The following SUCLG2 variants were observed in gnomAD, a reference collection of about 807,000 sequenced individuals.
SUCLG2 encodes succinate--CoA ligase [GDP-forming] subunit beta, mitochondrial.
Under a neutral mutation model 47.9 loss-of-function variants are expected in SUCLG2, and 42 were observed. That is an observed-to-expected ratio of 0.88 (90% CI 0.69 to 1.14). The LOEUF is 1.14. Among genes scored for constraint, SUCLG2 ranks in the 50% most tolerant of loss-of-function variants. The pLI is 0.00. For synonymous variants in SUCLG2, 195 were observed against 197.3 expected, an observed-to-expected ratio of 0.99 and a Z score of 0.10; for missense variants, 571 against 525.9, an observed-to-expected ratio of 1.09 and a Z score of -0.84.
Position 67,417,944 on chromosome 3 carries a change from T to C in SUCLG2, c.1063-17093A>G, listed in dbSNP as rs574283398. On this transcript the variant is annotated intron_variant, in intron 9 of 10. Transcript: ENST00000307227. ...TTAATCTTTATACTGGGGGACCTCATCTGACACAACAAAATACTGTTCTGG... is the reference window on the plus strand; with the variant it reads ...TTAATCTTTATACTGGGGGACCTCACCTGACACAACAAAATACTGTTCTGG... Among the ~76,000 whole-genome samples the C allele has an allele frequency of 2.0e-5, 3 of 152,268 alleles. No individual in the cohort carries two copies. In the South Asian group the frequency reaches 6.2e-4, roughly 32 times the overall value.
downstream of SUCLG2, among the ~76,000 whole-genome samples, chr3:67,370,563 C>A (rs918414531): frequency 1.3e-5 from 2 of 152,130 alleles, no homozygotes; most frequent in African/African-American, 4.8e-5. Context: ...ATCCAAGACT[C>A]CCGAGTGAAT....
intron 10 of SUCLG2, among the ~76,000 whole-genome samples, chr3:67,397,186 G>A (rs950273208): frequency 1.3e-5 from 2 of 152,088 alleles, no homozygotes; most frequent in African/African-American, 4.8e-5. Flanking sequence ...AATTAGGCAG[G>A]AGAAGGAAAT....
At chr3:67,538,990 C>T (rs988827024) in intron 2 of SUCLG2, among the ~76,000 whole-genome samples, 2 of 152,208 alleles carry the variant, frequency 1.3e-5, no homozygotes, top group African/African-American at 4.8e-5. Flanking sequence ...AATATACAAT[C>T]ATGTCATCTG....
rs560506162 is a variant in SUCLG2, at chr3:67,528,715, T to G, written c.326+372A>C. On this transcript the variant is annotated intron_variant, in intron 3 of 10. Transcript: ENST00000307227. ...GGCTCAAATAAAGGAAGGCTTGGAC[T>G]ATCAGAGGGGAGGTACCCCAGATGC... Among the ~76,000 whole-genome samples, 6 of 152,334 alleles carry G rather than the reference T, an allele frequency of 3.9e-5. No individual in the cohort carries two copies. In the South Asian group the frequency reaches 1.2e-3, roughly 32 times the overall value.
At chr3:67,405,518 G>A (rs1209882989) in intron 9 of SUCLG2, among the ~76,000 whole-genome samples, 3 of 152,016 alleles carry the variant, frequency 2.0e-5, no homozygotes, top group African/African-American at 7.2e-5. Flanking sequence ...CAACATTTTT[G>A]GGGGATAATA....
intron 9 of SUCLG2, among the ~76,000 whole-genome samples, chr3:67,458,555 T>C (rs1289526668): frequency 6.6e-6 from 1 of 152,168 alleles, no homozygotes; most frequent in East Asian, 1.9e-4. Flanking sequence ...TCACTGAACG[T>C]CTAAGATTCT....
At chr3:67,381,815 A>G (rs895285024) in intron 10 of SUCLG2, among the ~76,000 whole-genome samples, 1 of 152,236 alleles carries the variant, frequency 6.6e-6, no homozygotes, top group African/African-American at 2.4e-5. Context: ...AATTATTAAA[A>G]TGTTAAAAAT....
At chr3:67,427,975 CTGGG>C (rs1703350870) in intron 9 of SUCLG2, among the ~76,000 whole-genome samples, 1 of 152,212 alleles carries the variant, frequency 6.6e-6, no homozygotes, top group African/African-American at 2.4e-5. Flanking sequence ...AAAGCTTGAA[CTGGG>C]TGGAGCCCAC....
At chr3:67,640,581 G>T (rs962296697) in intron 1 of SUCLG2, among the ~76,000 whole-genome samples, 24 of 152,158 alleles carry the variant, frequency 1.6e-4, no homozygotes, top group African/African-American at 5.1e-4. Flanking sequence ...TATAACATTT[G>T]TTTTCCCCAT....
At chr3:67,652,724 G>A (rs1440926598) in intron 1 of SUCLG2, among the ~76,000 whole-genome samples, 3 of 152,150 alleles carry the variant, frequency 2.0e-5, no homozygotes, top group African/African-American at 7.2e-5. Context: ...ATGGTGTAAC[G>A]GAAACGTAAA....
At chr3:67,510,889 CTTTTTT>C (rs369542916) in intron 6 of SUCLG2, among the ~76,000 whole-genome samples, 1 of 124,156 alleles carries the variant, frequency 8.1e-6, no homozygotes. Flanking sequence ...TTAAATTGTT[CTTTTTT>C]TTTTTTTTTT....
Position 67,468,771 on chromosome 3 carries a change from T to C in SUCLG2, c.1062+27027A>G, listed in dbSNP as rs185102053. On this transcript the variant is annotated intron_variant, in intron 9 of 10. Transcript: ENST00000307227. ...TTAGTCATGTGAACCCACTGAAGCATGAGAGGTAGTGATAAACTGCTGTTT... is the reference window on the plus strand; with the variant it reads ...TTAGTCATGTGAACCCACTGAAGCACGAGAGGTAGTGATAAACTGCTGTTT... 3.3e-5 allele frequency among the ~76,000 whole-genome samples: 5 copies of C among 152,222 alleles called. No individual in the cohort carries two copies. In the East Asian group the frequency reaches 7.7e-4, roughly 24 times the overall value.
intron 7 of SUCLG2, among the ~76,000 whole-genome samples, chr3:67,506,903 C>T (rs1705652523): frequency 6.6e-6 from 1 of 152,172 alleles, no homozygotes; most frequent in Admixed American, 6.5e-5. Flanking sequence ...GTAGAAAAGG[C>T]AGGTAGCTGC....
intron 9 of SUCLG2, among the ~76,000 whole-genome samples, chr3:67,438,787 C>T (rs775875800): frequency 1.3e-5 from 2 of 152,150 alleles, no homozygotes; most frequent in Non-Finnish European, 2.9e-5. Flanking sequence ...GACGGATTCA[C>T]GGCCATATTC....
intron 2 of SUCLG2, among the ~76,000 whole-genome samples, chr3:67,555,280 G>T (rs924322965): frequency 6.6e-6 from 1 of 152,132 alleles, no homozygotes; most frequent in Non-Finnish European, 1.5e-5. Flanking sequence ...CAAATAAATG[G>T]TTGCAGATGC....
intron 2 of SUCLG2, among the ~76,000 whole-genome samples, chr3:67,532,861 A>C (rs1223335881): frequency 6.6e-6 from 1 of 152,164 alleles, no homozygotes; most frequent in African/African-American, 2.4e-5. Flanking sequence ...TTTTCTTTTC[A>C]TTCTTTACCA....
chr3:67,409,182 T>TGGTGAGGGGTCATGAAGGTACA, intron 9 of SUCLG2: 1 of 828,662 alleles, frequency 1.2e-6, no homozygotes, highest in Non-Finnish European at 1.8e-6. Flanking sequence ...TAGATGGGGC[T>TGGTGAGGGGTCATGAAGGTACA]GGGGAGGGGT....
chr3:67,500,758 C>T (rs1488280302), intron 7 of SUCLG2, among the ~76,000 whole-genome samples: 1 of 152,188 alleles, frequency 6.6e-6, no homozygotes, highest in Non-Finnish European at 1.5e-5. Flanking sequence ...CTGACACCTT[C>T]AAAATGAATG....
chr3:67,457,210 T>C (rs989066088), intron 9 of SUCLG2, among the ~76,000 whole-genome samples: 15 of 152,148 alleles, frequency 9.9e-5, no homozygotes, highest in African/African-American at 3.6e-4. Flanking sequence ...GCCTCTGAGT[T>C]TGTAGACTCT....
Sources: gnomAD v4.1 joint callset for allele counts (sites outside exome capture counted in the v4.1 genomes callset) on GRCh38, gnomAD v4.1.1 for gene constraint, MANE v1.5 for transcripts, NCBI Gene and HGNC (gene_info 2026-07-23, HGNC 2026-07-21) for gene names.